Variants in CLEC4A observed in about 807,000 individuals in gnomAD.
The protein encoded by CLEC4A is C-type (calcium dependent, carbohydrate-recognition domain) lectin, superfamily member 6.
In CLEC4A, 27 loss-of-function variants were observed where a neutral mutation model predicts 32.7. The ratio of observed to expected loss-of-function variants is 0.83; its 90% CI spans 0.61 to 1.14. The LOEUF is 1.14. Ranked by LOEUF, CLEC4A falls within the 50% of genes most tolerant of loss-of-function variation. CLEC4A has a pLI of 0.00. For synonymous variants in CLEC4A, 89 were observed against 93.7 expected (o/e 0.95, Z 0.29); for missense variants, 253 against 274.6 (o/e 0.92, Z 0.55).
chr12:8,125,882 T>C lies in CLEC4A; in HGVS notation c.199+205T>C, dbSNP rs1388814038. Among the ~76,000 whole-genome samples, 4 of 152,230 alleles carry C rather than the reference T, an allele frequency of 2.6e-5. No homozygotes were observed. The East Asian group carries it at 7.7e-4, about 29-fold the overall frequency. ...CCTGTAAAAATAATGGAATCCCTTC[T>C]CATTTAGAGAAACTGAAGCATAAAT... On this transcript the variant is annotated intron_variant, in intron 2 of 5. Coordinates refer to ENST00000229332, the MANE Select transcript of CLEC4A (RefSeq NM_016184.4).
At chr12:8,104,418 A>C in the CLEC4A span, among the ~76,000 whole-genome samples, 1 of 152,222 alleles carries the variant, frequency 6.6e-6, no homozygotes, top group Non-Finnish European at 1.5e-5. Flanking sequence ...CATAATTACA[A>C]ATCAAGCCAT....
chr12:8,134,975 TTTTG>T (rs1357285068), intron 3 of CLEC4A: 3 of 304,556 alleles, frequency 9.9e-6, no homozygotes, highest in African/African-American at 2.8e-5. Context: ...GTTGAAGCGT[TTTTG>T]TTTTTTGTTT....
At position 8,133,742 on chromosome 12, in the gene CLEC4A, T is replaced by C. The variant is rs188301488; in HGVS notation, c.299-1843T>C. On this transcript the variant is annotated intron_variant, in intron 3 of 5. Transcript: ENST00000229332. ...CTTTCCCTAGCTCCTCCCCTCCCCC[T>C]GTCCCCCATTCCTAGAAGGGCAGGC... 7,726 of 1,586,520 alleles carry C rather than the reference T, an allele frequency of 4.9e-3. 41 individuals are homozygous for C. Among genetic ancestry groups the C allele is most frequent in the Middle Eastern group, 0.015 (79 of 5,102 alleles).
chr12:8,123,876 A>G lies in CLEC4A; in HGVS notation c.-3A>G. On this transcript the variant is annotated 5_prime_UTR_variant, in exon 1 of 6. Coordinates refer to ENST00000229332, the MANE Select transcript of CLEC4A (RefSeq NM_016184.4). ...TGAAGAAAGCAGAAGCTCTCTTCCC[A>G]TTATGACTTCGGAAATCACTTATGC... is the stretch of plus-strand genomic sequence containing the variant. 6.2e-7 allele frequency: 1 copy of G among 1,606,004 alleles called. No individual in the cohort carries two copies. The highest frequency in any genetic ancestry group is 8.5e-7 in the Non-Finnish European group (1 of 1,172,512).
chr12:8,133,500 A>ATT (rs35915549), intron 3 of CLEC4A, among the ~76,000 whole-genome samples: 9 of 138,162 alleles, frequency 6.5e-5, no homozygotes, highest in African/African-American at 2.3e-4. Flanking sequence ...TAAAATTTCC[A>ATT]TTTTTTTTTT....
Position 8,138,312 on chromosome 12 carries a change from G to A in CLEC4A, c.*25G>A, listed in dbSNP as rs746846656. The A allele has an allele frequency of 6.2e-7, 1 of 1,613,280 alleles. No individual in the cohort carries two copies. The highest frequency in any genetic ancestry group is 1.1e-5 in the South Asian group (1 of 90,992). On this transcript the variant is annotated 3_prime_UTR_variant, in exon 6 of 6. Transcript: ENST00000229332. ...AACTGAACATTCTCCATGAACAGGT[G>A]GTTGGATTGGTATCTGTCATTGTAG...
the CLEC4A span, among the ~76,000 whole-genome samples, chr12:8,110,877 CT>C: frequency 0.018 from 2,591 of 145,332 alleles, 62 homozygotes; most frequent in African/African-American, 0.054. Flanking sequence ...TTTCTAGACA[CT>C]TTTTTTTTTT....
chr12:8,136,955 C>T lies in CLEC4A; in HGVS notation c.566+52C>T, dbSNP rs930506324. On this transcript the variant is annotated intron_variant, in intron 5 of 5. Transcript: ENST00000229332. ...CTTGGGTCCTGGATCATGCAGAGAG[C>T]TTAGGGTATTCTAGCTATCAGCTAT... The T allele has an allele frequency of 4.1e-6, 5 of 1,227,204 alleles. No homozygotes were observed. In the African/African-American group the frequency reaches 7.5e-5, roughly 19 times the overall value. The allele number at this position is 1,227,204 out of a possible 1,614,324, so 76.0% of individuals were successfully genotyped here.
the CLEC4A span, among the ~76,000 whole-genome samples, chr12:8,111,178 CTTTTTT>C: frequency 1.0e-4 from 10 of 100,328 alleles, no homozygotes; most frequent in Non-Finnish European, 2.0e-4. Flanking sequence ...GGCCCAACAT[CTTTTTT>C]TTTTTTTTTT....
chr12:8,129,405 T>C, intron 3 of CLEC4A, 43 bp downstream of exon 3: 1 of 1,218,584 alleles, frequency 8.2e-7, no homozygotes, highest in Non-Finnish European at 1.2e-6. Context: ...GAATGTACTA[T>C]GTAAGGATCC....
At chr12:8,103,376 GTTTTTTTTTTTTTTT>G in the CLEC4A span, among the ~76,000 whole-genome samples, 4 of 56,504 alleles carry the variant, frequency 7.1e-5, no homozygotes, top group East Asian at 5.2e-4. Context: ...TCTTTCTGTT[GTTTTTTTTTTTTTTT>G]TTTTTTTTTT....
chr12:8,136,555 C>T (rs1948118982), intron 4 of CLEC4A, among the ~76,000 whole-genome samples: 1 of 114,222 alleles, frequency 8.8e-6, no homozygotes, highest in Non-Finnish European at 1.8e-5. Flanking sequence ...GAAAGTGAGA[C>T]TCCATCTCAA....
At chr12:8,106,968 G>C in the CLEC4A span, among the ~76,000 whole-genome samples, 1 of 152,194 alleles carries the variant, frequency 6.6e-6, no homozygotes, top group South Asian at 2.1e-4. Flanking sequence ...CAAGGAGAAT[G>C]CTTCCAGCTT....
At chr12:8,105,851 G>A in the CLEC4A span, among the ~76,000 whole-genome samples, 11 of 152,252 alleles carry the variant, frequency 7.2e-5, no homozygotes, top group African/African-American at 2.6e-4. Flanking sequence ...TGTTTACTCT[G>A]TGAATAGTTT....
chr12:8,128,622 G>T (rs1165286324), intron 2 of CLEC4A, among the ~76,000 whole-genome samples: 3 of 152,060 alleles, frequency 2.0e-5, no homozygotes, highest in Non-Finnish European at 4.4e-5. Flanking sequence ...TCTTGGCCAG[G>T]CTAGTCTCGA....
chr12:8,130,180 A>G (rs1196124365), intron 3 of CLEC4A, among the ~76,000 whole-genome samples: 8 of 151,970 alleles, frequency 5.3e-5, no homozygotes, highest in Non-Finnish European at 1.2e-4. Flanking sequence ...TTGTCTATGG[A>G]AAAAAATAGA....
At chr12:8,126,858 C>A (rs1947909850) in intron 2 of CLEC4A, among the ~76,000 whole-genome samples, 1 of 152,080 alleles carries the variant, frequency 6.6e-6, no homozygotes, top group African/African-American at 2.4e-5. Context: ...CGTAAGTATG[C>A]ATGACTGGAA....
intron 3 of CLEC4A, among the ~76,000 whole-genome samples, chr12:8,131,996 G>A (rs758245567): frequency 1.1e-4 from 16 of 151,968 alleles, no homozygotes; most frequent in East Asian, 7.7e-4. Flanking sequence ...CTCCCTCCCC[G>A]GCTTGCTCCC....
Position 8,135,605 on chromosome 12 carries a change from C to T in CLEC4A, c.319C>T (p.Pro107Ser), listed in dbSNP as rs759767402. The change falls in exon 4 of 6, where the codon CCA (proline) becomes TCA (serine). Residue 107 changes from proline (P) to serine (S), a missense_variant. Transcript: ENST00000229332. The stretch of plus-strand genomic sequence containing the variant: ...TACAGAGACAGCCTGGAGCTGTTGC[C>T]CAAAGAATTGGAAGTCATTTAGTTC... ...PVEETAWSCC[P>S]KNWKSFSSNC... 6 of 1,613,964 alleles carry T rather than the reference C, an allele frequency of 3.7e-6. No individual in the cohort carries two copies. In the South Asian group the frequency reaches 4.4e-5, roughly 12 times the overall value.
Sources: allele counts gnomAD v4.1 joint callset (sites outside exome capture counted in the v4.1 genomes callset), GRCh38; gene constraint gnomAD v4.1.1; transcripts MANE v1.5; gene names NCBI Gene and HGNC (gene_info 2026-07-23, HGNC 2026-07-21).